GCLC: variants seen among roughly 807,000 people sequenced by gnomAD.
GCLC encodes glutamate--cysteine ligase catalytic subunit.
GCLC carries 30 observed loss-of-function variants against 81.5 expected under a neutral mutation model. The ratio of observed to expected loss-of-function variants is 0.37; its 90% CI spans 0.28 to 0.50. The LOEUF (loss-of-function observed/expected upper bound fraction) is 0.50. GCLC is among the 20% of genes least tolerant of loss of function. GCLC has a pLI of 0.96. For missense variants in GCLC, 556 were observed against 777.4 expected (o/e 0.72, Z 3.39); for synonymous variants, 262 against 273.3 (o/e 0.96, Z 0.41).
At chr6:53,509,344 G>A in intron 6 of GCLC, 94 bp from the exon 7 acceptor site, 6 of 793,292 alleles carry the variant, frequency 7.6e-6, no homozygotes, top group Non-Finnish European at 1.4e-5. Flanking sequence ...GGCAGAGAGG[G>A]GCAAGTTAAC....
chr6:53,542,770 C>A (rs1763380646), intron 1 of GCLC, among the ~76,000 whole-genome samples: 1 of 133,030 alleles, frequency 7.5e-6, no homozygotes, highest in African/African-American at 3.0e-5. Flanking sequence ...AATCCCAGCA[C>A]TTTGGGAAGC....
At chr6:53,514,071 C>A in intron 6 of GCLC, 133 bp downstream of exon 6, 1 of 811,150 alleles carries the variant, frequency 1.2e-6, no homozygotes, top group Non-Finnish European at 2.1e-6. Flanking sequence ...TCATGTTTTT[C>A]AGAAAGGCAT....
At chr6:53,524,361 T>G (rs1763047517) in intron 1 of GCLC, among the ~76,000 whole-genome samples, 2 of 152,332 alleles carry the variant, frequency 1.3e-5, no homozygotes, top group South Asian at 4.1e-4. Context: ...GAAGATAAGC[T>G]TTTTATAAAA....
chr6:53,505,686 C>T (rs1764600974), intron 11 of GCLC, 117 bp downstream of exon 11: 5 of 771,942 alleles, frequency 6.5e-6, no homozygotes, highest in South Asian at 2.9e-5. Context: ...TGCTACCATG[C>T]ACATACTTAA....
chr6:53,526,946 C>T (rs545180044), intron 1 of GCLC, among the ~76,000 whole-genome samples: 148 of 152,206 alleles, frequency 9.7e-4, no homozygotes, highest in African/African-American at 3.5e-3. Context: ...AGGCAGTTCC[C>T]CATTTAGGGA....
rs17883667 is a variant in GCLC at position 53,497,500 on chromosome 6, T to C, written c.*1256A>G. Reference sequence around the variant, plus strand: ...CATGTATAAAATATAGAACAAACCCTAGTATTTAAACATAAACAGGGTTAG... The same window carrying C: ...CATGTATAAAATATAGAACAAACCCCAGTATTTAAACATAAACAGGGTTAG... On this transcript the variant is annotated 3_prime_UTR_variant, in exon 16 of 16. Transcript: ENST00000650454. 10 of 152,350 alleles carry C rather than the reference T, an allele frequency of 6.6e-5. No individual in the cohort carries two copies. Among genetic ancestry groups the C allele is most frequent in the Admixed American group, 4.6e-4 (7 of 15,270 alleles). The allele number at this position is 152,350 out of a possible 1,614,324, so 9.4% of individuals were successfully genotyped here.
At chr6:53,530,520 C>T (rs1044370782) in intron 1 of GCLC, among the ~76,000 whole-genome samples, 2 of 152,172 alleles carry the variant, frequency 1.3e-5, no homozygotes, top group Non-Finnish European at 2.9e-5. Context: ...GGGAAGAGAT[C>T]GACACAGGCT....
chr6:53,499,034 T>C, intron 15 of GCLC, 67 bp from the exon 16 acceptor site: 1 of 951,516 alleles, frequency 1.1e-6, no homozygotes, highest in Non-Finnish European at 1.7e-6. Flanking sequence ...TAAGTTGATA[T>C]TTAGTGGTCA....
At chr6:53,527,572 A>G (rs948059265) in intron 1 of GCLC, among the ~76,000 whole-genome samples, 1 of 152,136 alleles carries the variant, frequency 6.6e-6, no homozygotes, top group Non-Finnish European at 1.5e-5. Flanking sequence ...AATACTGTGA[A>G]GAGCCAGGCA....
At chr6:53,514,920 TC>T (rs1422146180) in intron 4 of GCLC, among the ~76,000 whole-genome samples, 2 of 152,222 alleles carry the variant, frequency 1.3e-5, no homozygotes, top group Non-Finnish European at 2.9e-5. Context: ...CTCCCTCATC[TC>T]TGCAGGATTA....
intron 1 of GCLC, 117 bp downstream of exon 1, chr6:53,544,379 C>T (rs1305792022): frequency 3.7e-6 from 4 of 1,070,022 alleles, no homozygotes; most frequent in Non-Finnish European, 5.5e-6. Flanking sequence ...GCTCGAGGAC[C>T]CCCGGGCGCA....
At chr6:53,509,672 G>A in intron 6 of GCLC, 1 of 242,894 alleles carries the variant, frequency 4.1e-6, no homozygotes. Flanking sequence ...TTTTTGAGAT[G>A]GAGTCTCACT....
Position 53,514,444 on chromosome 6 carries a change from A to G in GCLC, c.614T>C (p.Val205Ala). The change falls in exon 5 of 16, where the codon GTA becomes GCA. Residue 205 changes from valine (V) to alanine (A), a missense_variant. Around this residue, in one of 3 missense-constraint regions of GCLC, gnomAD observed 234 missense variants for 303.8 expected, o/e 0.77. Transcript: ENST00000650454. ...HRRGEKVVIN[V>A]PIFKDKNTPS... ...CCACCTCTCAGTAGACTTACTTGGT[A>G]CATTGATGACAACCTTTTCTCCTCT... The G allele has an allele frequency of 6.2e-7, 1 of 1,611,830 alleles. No homozygotes were observed. The highest frequency in any genetic ancestry group is 8.5e-7 in the Non-Finnish European group (1 of 1,177,908).
rs1346272338 is a variant in GCLC at position 53,506,720 on chromosome 6, C to T, written c.1197+193G>A. On this transcript the variant is annotated intron_variant, in intron 10 of 15. Transcript: ENST00000650454. The surrounding 1 kb of genome is among the most constrained non-coding windows in gnomAD (Gnocchi z 4.0). ...ATCGTAAAATAAGAGTACTTGAAACCGATTTTTTATTTGTCCAAGTTCTTT... is the reference window on the plus strand; with the variant it reads ...ATCGTAAAATAAGAGTACTTGAAACTGATTTTTTATTTGTCCAAGTTCTTT... 6 of 566,794 alleles carry T rather than the reference C, an allele frequency of 1.1e-5. No individual in the cohort carries two copies. Among genetic ancestry groups the T allele is most frequent in the East Asian group, 3.0e-5 (1 of 33,430 alleles). The allele number at this position is 566,794 out of a possible 1,614,324, so 35.1% of individuals were successfully genotyped here. A position where few individuals can be genotyped will look rare whatever the true frequency, so the allele number is the denominator to read the frequency against.
intron 1 of GCLC, 99 bp from the exon 2 acceptor site, chr6:53,522,626 G>C: frequency 1.4e-6 from 1 of 740,032 alleles, no homozygotes; most frequent in Non-Finnish European, 2.4e-6. Flanking sequence ...GTCTGTAAAG[G>C]ATCCACAGTA....
intron 1 of GCLC, among the ~76,000 whole-genome samples, chr6:53,537,881 C>T (rs606548): frequency 0.17 from 26,379 of 151,668 alleles, 3,892 homozygotes; most frequent in African/African-American, 0.36. Context: ...ACAGGCTAGG[C>T]ACCTGCAAAC....
intron 2 of GCLC, 82 bp from the exon 3 acceptor site, chr6:53,521,042 A>G: frequency 3.7e-6 from 4 of 1,076,222 alleles, no homozygotes; most frequent in East Asian, 2.4e-5. Flanking sequence ...GTTGCTTTAA[A>G]AGTGTAGAAA....
intron 4 of GCLC, among the ~76,000 whole-genome samples, chr6:53,514,939 T>C (rs1764836919): frequency 6.6e-6 from 1 of 152,172 alleles, no homozygotes; most frequent in Non-Finnish European, 1.5e-5. Flanking sequence ...TTAATAATTA[T>C]CCTCCAGACT....
chr6:53,516,008 C>G (rs1764863878), intron 4 of GCLC, 101 bp downstream of exon 4: 1 of 754,114 alleles, frequency 1.3e-6, no homozygotes, highest in African/African-American at 1.7e-5. Flanking sequence ...AGCCAAAACT[C>G]AGTTAATGCT....
Sources: gnomAD v4.1 joint callset for allele counts (sites outside exome capture counted in the v4.1 genomes callset) on GRCh38, gnomAD v4.1.1 for gene constraint, gnomAD v4.1.1 regional missense constraint, Gnocchi (gnomAD v3.1) non-coding constraint, MANE v1.5 for transcripts, NCBI Gene and HGNC (gene_info 2026-07-23, HGNC 2026-07-21) for gene names.